The following KIAA1217 variants were observed in gnomAD, a reference collection of about 807,000 sequenced individuals.
The protein encoded by KIAA1217 is KIAA1217.
KIAA1217 carries 88 observed loss-of-function variants against 163.9 expected under a neutral mutation model. That is an observed-to-expected ratio of 0.54 (90% CI 0.45 to 0.64). The LOEUF (loss-of-function observed/expected upper bound fraction) is 0.64, where lower values mean the gene tolerates loss of function less well. Ranked by LOEUF, KIAA1217 falls within the 30% of genes least tolerant of loss-of-function variation. The probability of loss-of-function intolerance (pLI) is 0.00; values close to 1 mark genes in which losing one functional copy is unlikely to be tolerated. For missense variants in KIAA1217, 2,372 were observed against 2,475.0 expected (o/e 0.96, Z 0.88); for synonymous variants, 903 against 923.1 (o/e 0.98, Z 0.39).
intron 2 of KIAA1217, among the ~76,000 whole-genome samples, chr10:24,286,370 G>A (rs2078536362): frequency 6.6e-6 from 1 of 151,688 alleles, no homozygotes; most frequent in Admixed American, 6.6e-5. Context: ...TCAGAATAAA[G>A]TTTACCCTTC....
chr10:24,364,013 T>C (rs1250943299), intron 2 of KIAA1217, among the ~76,000 whole-genome samples: 1 of 151,724 alleles, frequency 6.6e-6, no homozygotes, highest in East Asian at 1.9e-4. Context: ...TGTTTTGCTC[T>C]TGTCGCCCAG....
At chr10:24,395,475 C>T (rs905216964) in intron 3 of KIAA1217, among the ~76,000 whole-genome samples, 1 of 152,212 alleles carries the variant, frequency 6.6e-6, no homozygotes, top group Non-Finnish European at 1.5e-5. Flanking sequence ...GTTTAGCAAC[C>T]AGATGTTGAT....
chr10:24,316,990 G>A (rs1281121441), intron 2 of KIAA1217, among the ~76,000 whole-genome samples: 1 of 152,214 alleles, frequency 6.6e-6, no homozygotes, highest in East Asian at 1.9e-4. Context: ...ATCAGGTTAT[G>A]TTTACGCTGA....
chr10:24,145,743 G>A (rs1277218072), intron 2 of KIAA1217, among the ~76,000 whole-genome samples: 5 of 152,208 alleles, frequency 3.3e-5, no homozygotes, highest in South Asian at 2.1e-4. Flanking sequence ...CAAACCATTC[G>A]TGTTAAGTCC....
chr10:24,013,952 C>G (rs1847362814), intron 2 of KIAA1217, among the ~76,000 whole-genome samples: 1 of 152,144 alleles, frequency 6.6e-6, no homozygotes. Context: ...GGATGTGTCA[C>G]TGTCTGAGAA....
intron 9 of KIAA1217, among the ~76,000 whole-genome samples, chr10:24,507,359 C>T (rs2068510625): frequency 6.6e-6 from 1 of 152,082 alleles, no homozygotes; most frequent in South Asian, 2.1e-4. Context: ...ACCAACCAGA[C>T]ATGGCAGGGA....
chr10:24,283,530 G>C (rs560564623), intron 2 of KIAA1217, among the ~76,000 whole-genome samples: 2 of 152,220 alleles, frequency 1.3e-5, no homozygotes, highest in South Asian at 4.2e-4. Context: ...AGCCAGAAGT[G>C]GTGGTGTATG....
chr10:24,363,362 A>C (rs1323258475), intron 2 of KIAA1217, among the ~76,000 whole-genome samples: 1 of 152,154 alleles, frequency 6.6e-6, no homozygotes, highest in East Asian at 1.9e-4. Context: ...AGAGATCTCA[A>C]GTGCCATTTA....
chr10:24,440,286 T>TA (rs2060383910), intron 5 of KIAA1217, among the ~76,000 whole-genome samples: 1 of 152,236 alleles, frequency 6.6e-6, no homozygotes, highest in East Asian at 1.9e-4. Flanking sequence ...GACTAAATAT[T>TA]ACAGCACCAT....
At chr10:24,525,028 A>AGGAAG (rs2071897585) in intron 13 of KIAA1217, among the ~76,000 whole-genome samples, 8 of 98,716 alleles carry the variant, frequency 8.1e-5, no homozygotes, top group African/African-American at 9.5e-5. Context: ...GTGAGACAGC[A>AGGAAG]GTGTGCTGGT....
intron 3 of KIAA1217, among the ~76,000 whole-genome samples, chr10:24,416,385 G>C (rs544740591): frequency 6.6e-6 from 1 of 152,308 alleles, no homozygotes; most frequent in Admixed American, 6.5e-5. Flanking sequence ...CCTGTTCATA[G>C]AGTGGACAGC....
chr10:24,486,773 TC>T (rs1261957368), intron 6 of KIAA1217, among the ~76,000 whole-genome samples: 1 of 152,226 alleles, frequency 6.6e-6, no homozygotes, highest in Admixed American at 6.5e-5. Flanking sequence ...AGCTCTTCTT[TC>T]TATCTCTCTT....
At chr10:24,520,651 A>AAAAATATATATATATATATAT (rs1554926857) in intron 11 of KIAA1217, among the ~76,000 whole-genome samples, 1 of 39,676 alleles carries the variant, frequency 2.5e-5, no homozygotes, top group African/African-American at 8.8e-5. Flanking sequence ...AAAAAAAAAA[A>AAAAATATATATATATATATAT]ATATATATAT....
intron 1 of KIAA1217, among the ~76,000 whole-genome samples, chr10:23,833,473 A>G (rs1471246990): frequency 6.7e-6 from 1 of 150,290 alleles, no homozygotes; most frequent in African/African-American, 2.5e-5. Context: ...ACAGAGTGAG[A>G]CTGTCTAAAA....
chr10:24,531,911 G>A lies in KIAA1217; in HGVS notation c.3164G>A (p.Ser1055Asn), dbSNP rs1452353121. Residue 1055 changes from serine (S) to asparagine (N), a missense_variant, in exon 15 of 21, where the codon AGC becomes AAC. This residue lies in a region of KIAA1217 where 1,431 missense variants were observed against 1,470.3 expected (regional missense o/e 0.97). Transcript: ENST00000376454. ...PPPPPPPPRR[S>N]YLPGSGLTTT... ...CCTCCTCCGCCACCTCCTCGTCGAA[G>A]CTACCTGCCAGGATCGGGACTCACC... The A allele has an allele frequency of 1.2e-6, 2 of 1,610,748 alleles. No individual in the cohort carries two copies. The highest frequency in any genetic ancestry group is 2.2e-5 in the East Asian group (1 of 44,782).
At chr10:24,045,650 T>C (rs1848959394) in intron 2 of KIAA1217, among the ~76,000 whole-genome samples, 1 of 152,208 alleles carries the variant, frequency 6.6e-6, no homozygotes, top group Non-Finnish European at 1.5e-5. Context: ...TTTAAAATTC[T>C]GATTATTTGG....
At chr10:23,948,139 G>A (rs574968213) in intron 1 of KIAA1217, among the ~76,000 whole-genome samples, 1 of 152,312 alleles carries the variant, frequency 6.6e-6, no homozygotes, top group Admixed American at 6.5e-5. Flanking sequence ...AAGTTAGTCT[G>A]TTAGTAGGTA....
intron 1 of KIAA1217, among the ~76,000 whole-genome samples, chr10:23,780,722 CCAGGCTGG>C (rs768426938): frequency 3.6e-4 from 55 of 152,192 alleles, no homozygotes; most frequent in Non-Finnish European, 7.2e-4. Flanking sequence ...CTCTTGTTGC[CCAGGCTGG>C]AGTGCAGTGG....
intron 5 of KIAA1217, chr10:24,449,631 A>G (rs1185981740): frequency 2.4e-5 from 24 of 985,314 alleles, no homozygotes; most frequent in Non-Finnish European, 2.9e-5. Flanking sequence ...TTCCTTCTGT[A>G]AAAAACCCAA....
Sources: gnomAD v4.1 joint callset for allele counts (sites outside exome capture counted in the v4.1 genomes callset) on GRCh38, gnomAD v4.1.1 for gene constraint, gnomAD v4.1.1 regional missense constraint, MANE v1.5 for transcripts, NCBI Gene and HGNC (gene_info 2026-07-23, HGNC 2026-07-21) for gene names.